FAM169A: variants seen among roughly 807,000 people sequenced by gnomAD.
FAM169A encodes the protein family with sequence similarity 169 member A, also known as soluble lamin-associated protein of 75 kDa.
In FAM169A, 24 loss-of-function variants were observed where a neutral mutation model predicts 75.7. The ratio of observed to expected loss-of-function variants is 0.32; its 90% CI spans 0.23 to 0.45. The LOEUF is 0.45. FAM169A is among the 20% of genes least tolerant of loss of function. FAM169A has a pLI of 1.00. For synonymous variants in FAM169A, 271 were observed against 271.0 expected, an observed-to-expected ratio of 1.00 and a Z score of 0.00; for missense variants, 673 against 784.0, an observed-to-expected ratio of 0.86 and a Z score of 1.69.
At chr5:74,866,881 G>C, upstream of FAM169A, 1 of 985,464 alleles carries the variant, frequency 1.0e-6, no homozygotes. Flanking sequence ...GGCGAGGACC[G>C]CCGGCCTCCG....
chr5:74,831,335 C>G (rs1371660686), intron 5 of FAM169A, among the ~76,000 whole-genome samples: 1 of 152,110 alleles, frequency 6.6e-6, no homozygotes, highest in Non-Finnish European at 1.5e-5. Flanking sequence ...GACTAAATAG[C>G]GAAGTTTCTA....
At chr5:74,813,507 G>A (rs114382113) in intron 6 of FAM169A, among the ~76,000 whole-genome samples, 6,976 of 151,948 alleles carry the variant, frequency 0.046, 320 homozygotes, top group African/African-American at 0.12. Context: ...TTTATTTTTA[G>A]TAAAGATAGA....
intron 5 of FAM169A, among the ~76,000 whole-genome samples, chr5:74,825,119 T>C (rs1442430659): frequency 6.6e-6 from 1 of 152,154 alleles, no homozygotes; most frequent in Non-Finnish European, 1.5e-5. Flanking sequence ...TTGATTTCCC[T>C]TAATAATATT....
intron 1 of FAM169A, among the ~76,000 whole-genome samples, chr5:74,863,960 T>C (rs140574935): frequency 2.9e-3 from 443 of 152,332 alleles, no homozygotes; most frequent in Middle Eastern, 0.02. Context: ...CTTTGCTTAC[T>C]TAAATTCCCT....
At chr5:74,852,893 T>G (rs547819545) in intron 1 of FAM169A, among the ~76,000 whole-genome samples, 1 of 152,272 alleles carries the variant, frequency 6.6e-6, no homozygotes, top group Admixed American at 6.5e-5. Flanking sequence ...GTTGGATTGG[T>G]AGGAAGAACT....
At chr5:74,853,114 T>C (rs1052850495) in intron 1 of FAM169A, among the ~76,000 whole-genome samples, 2 of 152,196 alleles carry the variant, frequency 1.3e-5, no homozygotes, top group South Asian at 2.1e-4. Flanking sequence ...CTGATAGCCC[T>C]TCTCATTAAT....
chr5:74,841,170 G>T (rs1748842277), intron 2 of FAM169A, among the ~76,000 whole-genome samples: 1 of 152,044 alleles, frequency 6.6e-6, no homozygotes, highest in South Asian at 2.1e-4. Flanking sequence ...TTTAGAAAAA[G>T]GAAGAAAAGA....
At chr5:74,827,334 C>T (rs1465968512) in intron 5 of FAM169A, among the ~76,000 whole-genome samples, 1 of 152,048 alleles carries the variant, frequency 6.6e-6, no homozygotes, top group Non-Finnish European at 1.5e-5. Flanking sequence ...CAAACTATTC[C>T]TTAACAGTTT....
At chr5:74,809,585 G>C (rs1017836651) in intron 6 of FAM169A, among the ~76,000 whole-genome samples, 2 of 151,934 alleles carry the variant, frequency 1.3e-5, no homozygotes. Context: ...GACAGAGCGA[G>C]ACTACGTCTC....
intron 5 of FAM169A, among the ~76,000 whole-genome samples, chr5:74,833,907 A>G (rs1490652449): frequency 6.6e-6 from 1 of 152,212 alleles, no homozygotes; most frequent in Non-Finnish European, 1.5e-5. Context: ...TCAGAAACCC[A>G]AACTTTAGAC....
chr5:74,808,363 G>A (rs1176356338), intron 6 of FAM169A, among the ~76,000 whole-genome samples: 1 of 152,192 alleles, frequency 6.6e-6, no homozygotes, highest in South Asian at 2.1e-4. Flanking sequence ...GTTTAGTGAA[G>A]TAAGCCAGAC....
chr5:74,832,067 A>C (rs1748339928), intron 5 of FAM169A, among the ~76,000 whole-genome samples: 1 of 152,278 alleles, frequency 6.6e-6, no homozygotes, highest in South Asian at 2.1e-4. Flanking sequence ...CTTTCCTTCA[A>C]CTGCAAAATA....
Position 74,834,839 on chromosome 5 carries a change from T to A in FAM169A, c.319-242A>T, listed in dbSNP as rs1993371. Reference sequence around the variant, plus strand: ...TACTGCCTTTCAACAAAATTCTAAATCGGGCAAAAAACAGGTCCCCAATGT... The same window carrying A: ...TACTGCCTTTCAACAAAATTCTAAAACGGGCAAAAAACAGGTCCCCAATGT... On this transcript the variant is annotated intron_variant, in intron 4 of 12. Transcript: ENST00000687041. Among the ~76,000 whole-genome samples, 12,897 of 152,004 alleles carry A rather than the reference T, an allele frequency of 0.085. 667 individuals are homozygous for A. The highest frequency in any genetic ancestry group is 0.17 in the Admixed American group (2,523 of 15,258).
Position 74,779,186 on chromosome 5 carries a change from GCCC to G in FAM169A, c.*2271_*2273del, listed in dbSNP as rs1282913790. 6 of 152,162 alleles carry G rather than the reference GCCC, an allele frequency of 3.9e-5. No individual in the cohort carries two copies. Among genetic ancestry groups the G allele is most frequent in the East Asian group, 3.9e-4 (2 of 5,178 alleles). The allele number at this position is 152,162 out of a possible 1,614,324, so 9.4% of individuals were successfully genotyped here. A position where few individuals can be genotyped will look rare whatever the true frequency, so the allele number is the denominator to read the frequency against. ...TAACAAGAATAAGTTTATACTGTTA[GCCC>G]CCAATGGTCATATATGATTAATAAA... On this transcript the variant is annotated 3_prime_UTR_variant, in exon 13 of 13. Transcript: ENST00000687041.
chr5:74,786,000 A>T (rs1432290946), intron 11 of FAM169A, among the ~76,000 whole-genome samples: 2 of 152,114 alleles, frequency 1.3e-5, no homozygotes, highest in Non-Finnish European at 2.9e-5. Flanking sequence ...AGGCAGACGC[A>T]CCCTCAATCT....
At chr5:74,845,709 G>A (rs931847763) in intron 1 of FAM169A, among the ~76,000 whole-genome samples, 13 of 152,116 alleles carry the variant, frequency 8.5e-5, no homozygotes, top group Non-Finnish European at 1.8e-4. Context: ...AAAAACTTGT[G>A]AAATGATTTG....
chr5:74,841,448 T>C (rs1263081451), intron 2 of FAM169A, 97 bp downstream of exon 2: 7 of 931,896 alleles, frequency 7.5e-6, no homozygotes, highest in Non-Finnish European at 9.2e-6. Context: ...CAAAAATTAA[T>C]GATTAACACT....
chr5:74,801,124 T>G, intron 9 of FAM169A, 94 bp from the exon 10 acceptor site: 1 of 944,844 alleles, frequency 1.1e-6, no homozygotes. Context: ...TACACTAGTT[T>G]ACACATATCC....
intron 1 of FAM169A, among the ~76,000 whole-genome samples, chr5:74,863,046 G>A (rs112307436): frequency 0.023 from 3,549 of 151,124 alleles, 157 homozygotes; most frequent in African/African-American, 0.082. Context: ...AAAAGGCAGG[G>A]GTGGGAGGAA....
Sources: gnomAD v4.1 joint callset for allele counts (sites outside exome capture counted in the v4.1 genomes callset) on GRCh38, gnomAD v4.1.1 for gene constraint, MANE v1.5 for transcripts, NCBI Gene and HGNC (gene_info 2026-07-23, HGNC 2026-07-21) for gene names.